Variants in CTNND2 observed in about 807,000 individuals in gnomAD.
The protein encoded by CTNND2 is catenin delta 2, also known as catenin delta-2.
Under a neutral mutation model 144.4 loss-of-function variants are expected in CTNND2, and 22 were observed. That is an observed-to-expected ratio of 0.15 (90% CI 0.11 to 0.22). The LOEUF (loss-of-function observed/expected upper bound fraction) is 0.22. CTNND2 is among the 10% of genes least tolerant of loss of function. The pLI, the probability that CTNND2 is intolerant of heterozygous loss-of-function variation, is 1.00. For synonymous variants in CTNND2, 751 were observed against 695.6 expected (o/e 1.08, Z -1.25); for missense variants, 1,353 against 1,618.8 (o/e 0.84, Z 2.82).
chr5:11,108,024 T>C (rs1580306970), intron 14 of CTNND2, among the ~76,000 whole-genome samples: 1 of 152,222 alleles, frequency 6.6e-6, no homozygotes. Flanking sequence ...TCTTTGGGGA[T>C]CAATTGCTAT....
chr5:11,858,032 C>T, intron 1 of CTNND2, among the ~76,000 whole-genome samples: 1 of 152,160 alleles, frequency 6.6e-6, no homozygotes, highest in East Asian at 1.9e-4. Flanking sequence ...GTTGGACTTA[C>T]TCCCTCAAAA....
At chr5:11,718,640 A>G (rs1349102081) in intron 2 of CTNND2, among the ~76,000 whole-genome samples, 1 of 152,096 alleles carries the variant, frequency 6.6e-6, no homozygotes, top group East Asian at 1.9e-4. Flanking sequence ...AAATAAGAAA[A>G]GTAAGAGAGA....
intron 3 of CTNND2, among the ~76,000 whole-genome samples, chr5:11,489,612 G>T (rs1043553151): frequency 6.6e-6 from 1 of 152,176 alleles, no homozygotes; most frequent in African/African-American, 2.4e-5. Flanking sequence ...GTTGGGAGAT[G>T]CATTCTCCTG....
chr5:11,245,840 C>A (rs1742945838), intron 9 of CTNND2, among the ~76,000 whole-genome samples: 1 of 152,164 alleles, frequency 6.6e-6, no homozygotes, highest in Non-Finnish European at 1.5e-5. Flanking sequence ...CAAGAAGCAC[C>A]ACCTCTGATT....
intron 9 of CTNND2, among the ~76,000 whole-genome samples, chr5:11,258,508 C>T (rs547115029): frequency 1.3e-5 from 2 of 152,234 alleles, no homozygotes; most frequent in Non-Finnish European, 1.5e-5. Flanking sequence ...GACTTCCATG[C>T]CCCTCAAAGG....
chr5:11,764,093 AGAGG>A (rs1040015778), intron 1 of CTNND2, among the ~76,000 whole-genome samples: 14 of 152,300 alleles, frequency 9.2e-5, no homozygotes, highest in African/African-American at 3.4e-4. Flanking sequence ...TATAAATGGA[AGAGG>A]GAGGCAGGAA....
At chr5:11,347,476 T>C (rs1754916854) in intron 8 of CTNND2, among the ~76,000 whole-genome samples, 1 of 152,264 alleles carries the variant, frequency 6.6e-6, no homozygotes, top group African/African-American at 2.4e-5. Flanking sequence ...GGATTCTTTT[T>C]AGATCCTTTC....
At chr5:11,837,271 A>G (rs539004261) in intron 1 of CTNND2, among the ~76,000 whole-genome samples, 3 of 152,210 alleles carry the variant, frequency 2.0e-5, no homozygotes, top group Non-Finnish European at 4.4e-5. Context: ...GAATCAAAAC[A>G]ATGGGATCAG....
Position 10,992,669 on chromosome 5 carries a change from C to A in CTNND2, c.3093G>T (p.Trp1031Cys). ...ACGAGGCTACAAAGTGGTATTGTGA[C>A]CATCCATCCTGCAAAACACAGCACG... ...DLRSLYKKDG[W>C]SQYHFVASSS... The change falls in exon 19 of 22, where the codon TGG becomes TGT. Residue 1031 changes from tryptophan (W) to cysteine (C), a missense_variant. This residue lies in a region of CTNND2 where 459 missense variants were observed against 674.3 expected (regional missense o/e 0.68). Transcript: ENST00000304623. The A allele has an allele frequency of 6.2e-7, 1 of 1,613,998 alleles. No individual in the cohort carries two copies. The highest frequency in any genetic ancestry group is 8.5e-7 in the Non-Finnish European group (1 of 1,179,958).
At chr5:11,612,587 A>C (rs1459415350) in intron 2 of CTNND2, among the ~76,000 whole-genome samples, 1 of 152,188 alleles carries the variant, frequency 6.6e-6, no homozygotes, top group African/African-American at 2.4e-5. Context: ...TACTAATACT[A>C]CGATGCTTAC....
intron 1 of CTNND2, among the ~76,000 whole-genome samples, chr5:11,873,030 A>C (rs923565139): frequency 2.0e-5 from 3 of 152,236 alleles, no homozygotes; most frequent in Non-Finnish European, 2.9e-5. Context: ...GCTTCTGCGC[A>C]GCAAAAGAAA....
intron 19 of CTNND2, among the ~76,000 whole-genome samples, chr5:10,989,627 TCCC>T (rs1738436603): frequency 6.6e-6 from 1 of 152,158 alleles, no homozygotes. Context: ...GGGTCTGTGG[TCCC>T]CCAAGGCACC....
intron 2 of CTNND2, among the ~76,000 whole-genome samples, chr5:11,705,557 G>A (rs1346601981): frequency 6.6e-6 from 1 of 152,172 alleles, no homozygotes; most frequent in Non-Finnish European, 1.5e-5. Flanking sequence ...TAGTGAGAGA[G>A]GGGTTAATGT....
chr5:11,565,891 A>G (rs552882488), intron 2 of CTNND2, among the ~76,000 whole-genome samples: 4 of 152,188 alleles, frequency 2.6e-5, no homozygotes, highest in Non-Finnish European at 5.9e-5. Context: ...TTAATAAGGA[A>G]TGGCAGGGAA....
chr5:11,224,262 G>A (rs1009502235), intron 10 of CTNND2, among the ~76,000 whole-genome samples: 3 of 151,786 alleles, frequency 2.0e-5, no homozygotes, highest in African/African-American at 4.8e-5. Flanking sequence ...AGTGTGCCTC[G>A]TCCATCATCC....
At chr5:11,605,816 G>C (rs1163688055) in intron 2 of CTNND2, among the ~76,000 whole-genome samples, 1 of 152,132 alleles carries the variant, frequency 6.6e-6, no homozygotes, top group Admixed American at 6.5e-5. Flanking sequence ...GCAGTTGTGA[G>C]AGGAAGAATT....
chr5:11,511,693 G>C (rs1771662960), intron 3 of CTNND2, among the ~76,000 whole-genome samples: 1 of 152,058 alleles, frequency 6.6e-6, no homozygotes, highest in African/African-American at 2.4e-5. Context: ...CAGGAATACT[G>C]AGAAGAAAAG....
rs78452314 is a variant in CTNND2, at chr5:11,540,412, T to A, written c.287+24532A>T. Among the ~76,000 whole-genome samples, 1,133 of 152,308 alleles carry A rather than the reference T, an allele frequency of 7.4e-3. 21 individuals are homozygous for A. The East Asian group carries it at 0.078, about 10-fold the overall frequency. On this transcript the variant is annotated intron_variant, in intron 3 of 21. Transcript: ENST00000304623. ...CTTACTCCTTGTGAGTACTTAATCA[T>A]TTTTTCCAAGAGTCACTGGGAATCC...
chr5:11,409,764 T>C (rs1378399279), intron 5 of CTNND2, among the ~76,000 whole-genome samples: 1 of 152,084 alleles, frequency 6.6e-6, no homozygotes, highest in African/African-American at 2.4e-5. Flanking sequence ...ACTTTGACCA[T>C]TCCTTTAATT....
Sources: allele counts gnomAD v4.1 joint callset (sites outside exome capture counted in the v4.1 genomes callset), GRCh38; gene constraint gnomAD v4.1.1; regional missense constraint gnomAD v4.1.1; transcripts MANE v1.5; gene names NCBI Gene and HGNC (gene_info 2026-07-23, HGNC 2026-07-21).